The following PPARGC1B variants were observed in gnomAD, a reference collection of about 807,000 sequenced individuals.
PPARGC1B encodes the protein peroxisome proliferator-activated receptor gamma coactivator 1-beta.
Under a neutral mutation model 101.6 loss-of-function variants are expected in PPARGC1B, and 34 were observed. The observed-to-expected ratio is 0.33, with a 90% CI of 0.25 to 0.45. PPARGC1B has a LOEUF of 0.45. Among genes scored for constraint, PPARGC1B ranks in the 20% least tolerant of loss-of-function variants. PPARGC1B has a pLI of 1.00. For synonymous variants in PPARGC1B, 548 were observed against 539.3 expected, an observed-to-expected ratio of 1.02 and a Z score of -0.22; for missense variants, 1,234 against 1,317.6, an observed-to-expected ratio of 0.94 and a Z score of 0.98.
chr5:149,793,609 C>T (rs914827460), intron 1 of PPARGC1B, among the ~76,000 whole-genome samples: 1 of 152,166 alleles, frequency 6.6e-6, no homozygotes, highest in Non-Finnish European at 1.5e-5. Context: ...GTACCCCAAA[C>T]CATTCTCCTT....
rs780397251 is a variant in PPARGC1B, at chr5:149,832,657, C to T, written c.584C>T (p.Ala195Val). ...ACTCTGGCCTCTCTCCCTCTCTAGGCGGACAGCACCCAAGACAAGAAGGCT... is the reference window on the plus strand; with the variant it reads ...ACTCTGGCCTCTCTCCCTCTCTAGGTGGACAGCACCCAAGACAAGAAGGCT... ...RSKSQRPCVK[A>V]DSTQDKKAPM... The change falls in exon 5 of 12, where the codon GCG (alanine) becomes GTG (valine). Residue 195 changes from alanine to valine, a missense_variant and splice_region_variant. By Grantham distance (64) the Ala-to-Val change is moderately conservative. Around this residue, in one of 3 missense-constraint regions of PPARGC1B, gnomAD observed 734 missense variants for 768.4 expected, o/e 0.96. Transcript: ENST00000309241. The surrounding 1 kb of genome is among the most constrained non-coding windows in gnomAD (Gnocchi z 4.9). 88 of 1,531,152 alleles carry T rather than the reference C, an allele frequency of 5.7e-5. No homozygotes were observed. The highest frequency in any genetic ancestry group is 3.5e-4 in the Middle Eastern group (2 of 5,702). 94.8% of individuals were successfully genotyped at this position (1,531,152 alleles called of 1,614,324 possible).
intron 11 of PPARGC1B, chr5:149,847,124 G>T: frequency 2.3e-6 from 1 of 427,528 alleles, no homozygotes; most frequent in Non-Finnish European, 4.4e-6. Context: ...CCTCCCTTAT[G>T]TGGCACTGCA....
rs535103440 is a variant in PPARGC1B, at chr5:149,736,615, T to G, written c.78+6195T>G. On this transcript the variant is annotated intron_variant, in intron 1 of 11. Transcript: ENST00000309241. ...TTTGTAACTAGATTCCTGCAGTTAC[T>G]ACCAAAGAGATCTTTGCTGCACCCG... 7.9e-5 allele frequency among the ~76,000 whole-genome samples: 12 copies of G among 152,340 alleles called. 1 individual carries two copies. The highest frequency in any genetic ancestry group is 2.6e-4 in the African/African-American group (11 of 41,584).
At chr5:149,772,309 G>C (rs1051083372) in intron 1 of PPARGC1B, among the ~76,000 whole-genome samples, 1 of 152,228 alleles carries the variant, frequency 6.6e-6, no homozygotes, top group Non-Finnish European at 1.5e-5. Context: ...TGTGCTGGCT[G>C]TCTCGGGATG....
At chr5:149,748,807 A>G (rs1755182546) in intron 1 of PPARGC1B, among the ~76,000 whole-genome samples, 2 of 152,212 alleles carry the variant, frequency 1.3e-5, no homozygotes, top group African/African-American at 4.8e-5. Flanking sequence ...GACAGCATGA[A>G]CGAAATGTCT....
chr5:149,821,493 G>A (rs958990752), intron 2 of PPARGC1B, among the ~76,000 whole-genome samples: 11 of 152,306 alleles, frequency 7.2e-5, no homozygotes, highest in Non-Finnish European at 1.3e-4. Context: ...ATTTAGCTGG[G>A]TGATGGACAC....
At chr5:149,839,500 G>A (rs1759246072) in intron 8 of PPARGC1B, among the ~76,000 whole-genome samples, 1 of 152,198 alleles carries the variant, frequency 6.6e-6, no homozygotes, top group South Asian at 2.1e-4. Context: ...AGCTAGCCTG[G>A]AAGCATGGAG....
chr5:149,746,335 A>T (rs1755088548), intron 1 of PPARGC1B, among the ~76,000 whole-genome samples: 1 of 152,166 alleles, frequency 6.6e-6, no homozygotes, highest in African/African-American at 2.4e-5. Flanking sequence ...ATGGTTTCTC[A>T]TACAAGTGGG....
At chr5:149,841,044 C>T (rs1759314783) in intron 9 of PPARGC1B, among the ~76,000 whole-genome samples, 1 of 152,092 alleles carries the variant, frequency 6.6e-6, no homozygotes, top group African/African-American at 2.4e-5. Context: ...GGGATGAGGC[C>T]CCCCTTCTGG....
chr5:149,820,604 C>G lies in PPARGC1B; in HGVS notation c.250C>G (p.Gln84Glu). 1 of 1,607,410 alleles carries G rather than the reference C, an allele frequency of 6.2e-7. No individual in the cohort carries two copies. ...QYSPDDSELF[Q>E]IDSENEALLA... is the part of the protein sequence containing the mutation. ...CAGCCCCGATGACTCCGAGCTCTTCCAGGTATGCCCTTTCCAGTCTCCCCT... is the reference window on the plus strand; with the variant it reads ...CAGCCCCGATGACTCCGAGCTCTTCGAGGTATGCCCTTTCCAGTCTCCCCT... The change falls in exon 2 of 12, where the codon CAG (glutamine) becomes GAG (glutamate). Residue 84 changes from glutamine to glutamate, a missense_variant and splice_region_variant. Gln to Glu is a conservative substitution (Grantham distance 29). This residue lies in a region of PPARGC1B where 734 missense variants were observed against 768.4 expected (regional missense o/e 0.96). Transcript: ENST00000309241.
intron 1 of PPARGC1B, among the ~76,000 whole-genome samples, chr5:149,747,962 G>T (rs1032146328): frequency 1.3e-5 from 2 of 152,140 alleles, no homozygotes; most frequent in Non-Finnish European, 2.9e-5. Flanking sequence ...TGGGGTTGAG[G>T]AGTGGGTGAG....
Position 149,847,583 on chromosome 5 carries a change from A to G in PPARGC1B, c.*25A>G, listed in dbSNP as rs758030864. 38 of 1,505,792 alleles carry G rather than the reference A, an allele frequency of 2.5e-5. No individual in the cohort carries two copies. Among genetic ancestry groups the G allele is most frequent in the Middle Eastern group, 1.7e-4 (1 of 5,858 alleles). The allele number at this position is 1,505,792 out of a possible 1,614,324, so 93.3% of individuals were successfully genotyped here. ...ATAACAGCCTTAACCCTCGAGGAATACCTCAATACCTCAGACAAGGCCCTT... is the reference window on the plus strand; with the variant it reads ...ATAACAGCCTTAACCCTCGAGGAATGCCTCAATACCTCAGACAAGGCCCTT... On this transcript the variant is annotated 3_prime_UTR_variant, in exon 12 of 12. Coordinates refer to ENST00000309241, the MANE Select transcript of PPARGC1B (RefSeq NM_133263.4).
In PPARGC1B at chr5:149,850,918, A is replaced by G. The variant is rs1248671188; in HGVS notation, c.*3360A>G. 6.6e-6 allele frequency: 1 copy of G among 152,154 alleles called. No individual in the cohort carries two copies. The highest frequency in any genetic ancestry group is 2.4e-5 in the African/African-American group (1 of 41,408). 9.4% of individuals were successfully genotyped at this position (152,154 alleles called of 1,614,324 possible). ...GGCTCTGGTTACCGAAGGAAAATGCATCAAAGAGTTAAAGAATATGAGTGG... is the reference window on the plus strand; with the variant it reads ...GGCTCTGGTTACCGAAGGAAAATGCGTCAAAGAGTTAAAGAATATGAGTGG... On this transcript the variant is annotated 3_prime_UTR_variant, in exon 12 of 12. Coordinates refer to ENST00000309241, the MANE Select transcript of PPARGC1B (RefSeq NM_133263.4).
chr5:149,768,431 T>C (rs1232972762), intron 1 of PPARGC1B, among the ~76,000 whole-genome samples: 2 of 149,228 alleles, frequency 1.3e-5, no homozygotes, highest in Admixed American at 6.7e-5. Flanking sequence ...CGTGCCACCA[T>C]GCCTGGCTAA....
rs760407336 is a variant in PPARGC1B, at chr5:149,833,050, G to A, written c.977G>A (p.Arg326Gln). The change falls in exon 5 of 12, where the codon CGG (arginine) becomes CAG (glutamine). Residue 326 changes from arginine to glutamine, a missense_variant. Around this residue, in one of 3 missense-constraint regions of PPARGC1B, gnomAD observed 734 missense variants for 768.4 expected, o/e 0.96. Transcript: ENST00000309241. The surrounding 1 kb of genome is among the most constrained non-coding windows in gnomAD (Gnocchi z 4.1). ...CSNPSQQVRSRPWSRHHSKAS... is the reference protein window; with the variant it reads ...CSNPSQQVRSQPWSRHHSKAS... ...AACCCCTCCCAGCAGGTCAGATCCC[G>A]GCCCTGGTCCCGGCACCACTCCAAA... 20 of 1,613,690 alleles carry A rather than the reference G, an allele frequency of 1.2e-5. No homozygotes were observed. The highest frequency in any genetic ancestry group is 1.0e-4 in the Admixed American group (6 of 59,998).
At position 149,833,414 on chromosome 5, in the gene PPARGC1B, G is replaced by T; in HGVS notation, c.1341G>T (p.Glu447Asp). 6.3e-7 allele frequency: 1 copy of T among 1,598,294 alleles called. No individual in the cohort carries two copies. The highest frequency in any genetic ancestry group is 2.3e-5 in the East Asian group (1 of 44,022). The change falls in exon 5 of 12, where the codon GAG becomes GAT. Residue 447 changes from glutamate to aspartate, a missense_variant. Physicochemically the swap from Glu to Asp is conservative, Grantham distance 45. Coordinates refer to ENST00000309241, the MANE Select transcript of PPARGC1B (RefSeq NM_133263.4). This position sits in a 1 kb window ranked among gnomAD's most constrained non-coding sequence, Gnocchi z 4.1. ...AGGAAGAGGAAGAAGAAAAAGAGGAGGAGGAGGAGTGGGGCAGGAAAAGGC... is the reference window on the plus strand; with the variant it reads ...AGGAAGAGGAAGAAGAAAAAGAGGATGAGGAGGAGTGGGGCAGGAAAAGGC... ...EEEEEEEEKE[E>D]EEEWGRKRPG...
chr5:149,834,211 C>G (rs569211981), intron 5 of PPARGC1B, among the ~76,000 whole-genome samples: 1 of 152,360 alleles, frequency 6.6e-6, no homozygotes, highest in Non-Finnish European at 1.5e-5. Context: ...CCACTGTATA[C>G]TTACCGTGCT....
intron 1 of PPARGC1B, among the ~76,000 whole-genome samples, chr5:149,785,026 G>T (rs935756769): frequency 1.3e-5 from 2 of 152,180 alleles, no homozygotes; most frequent in East Asian, 1.9e-4. Context: ...TCAGGAAAGA[G>T]GAATCTGTTT....
At chr5:149,836,167 G>T (rs1759063908) in intron 7 of PPARGC1B, 96 bp from the exon 8 acceptor site, 1 of 1,055,000 alleles carries the variant, frequency 9.5e-7, no homozygotes, top group Non-Finnish European at 1.4e-6. Flanking sequence ...GGGATTATAG[G>T]TGTGAGCTAC....
Sources: allele counts gnomAD v4.1 joint callset (sites outside exome capture counted in the v4.1 genomes callset), GRCh38; gene constraint gnomAD v4.1.1; regional missense constraint gnomAD v4.1.1; non-coding constraint Gnocchi (gnomAD v3.1); transcripts MANE v1.5; gene names NCBI Gene and HGNC (gene_info 2026-07-23, HGNC 2026-07-21).